SPON1: variants seen among roughly 807,000 people sequenced by gnomAD.
SPON1 encodes spondin 1.
A neutral mutation model predicts 111.7 loss-of-function variants in SPON1; 52 were observed. The observed-to-expected ratio is 0.47, with a 90% CI of 0.37 to 0.59. The LOEUF (loss-of-function observed/expected upper bound fraction) is 0.59. Ranked by LOEUF, SPON1 falls within the 20% of genes least tolerant of loss-of-function variation. SPON1 has a pLI of 0.00. For synonymous variants in SPON1, 410 were observed against 395.8 expected (o/e 1.04, Z -0.43); for missense variants, 957 against 1,068.5 (o/e 0.90, Z 1.46).
rs141669942 is a variant in SPON1 at position 14,059,749 on chromosome 11, G to A, written c.480-15596G>A. ...GAAGAGCAAGTTCCCCCCAGCAGCC[G>A]CTGCCACAGTCATTTCTAAAACAGG... On this transcript the variant is annotated intron_variant, in intron 3 of 15. Transcript: ENST00000576479. Among the ~76,000 whole-genome samples, 153 of 152,230 alleles carry A rather than the reference G, an allele frequency of 1.0e-3. 1 individual carries two copies. Among genetic ancestry groups the A allele is most frequent in the African/African-American group, 3.2e-3 (134 of 41,516 alleles).
chr11:14,009,603 A>C (rs1554913514), intron 2 of SPON1, among the ~76,000 whole-genome samples: 2 of 152,230 alleles, frequency 1.3e-5, no homozygotes, highest in African/African-American at 4.8e-5. Context: ...TTTGGTGACT[A>C]TTTGATTCAT....
intron 6 of SPON1, among the ~76,000 whole-genome samples, chr11:14,137,840 A>T (rs1220600912): frequency 1.3e-5 from 2 of 152,152 alleles, no homozygotes; most frequent in Non-Finnish European, 2.9e-5. Flanking sequence ...CAGCCTCTGA[A>T]TCTGGCCTCT....
chr11:13,982,097 T>C (rs1329550177), intron 1 of SPON1, among the ~76,000 whole-genome samples: 1 of 152,230 alleles, frequency 6.6e-6, no homozygotes, highest in African/African-American at 2.4e-5. Flanking sequence ...TTTTGAGTAT[T>C]GTTATGATTG....
chr11:14,071,004 T>C (rs1554920843), intron 3 of SPON1, among the ~76,000 whole-genome samples: 3 of 152,130 alleles, frequency 2.0e-5, no homozygotes, highest in African/African-American at 7.2e-5. Context: ...TGCTCTCTTA[T>C]GATAAGAGAG....
chr11:14,166,432 C>A (rs986038559), intron 6 of SPON1, among the ~76,000 whole-genome samples: 9 of 152,252 alleles, frequency 5.9e-5, no homozygotes, highest in African/African-American at 1.9e-4. Flanking sequence ...TCTCTGAAAA[C>A]AAAAGGTTTA....
intron 6 of SPON1, among the ~76,000 whole-genome samples, chr11:14,168,045 C>T (rs1000851473): frequency 3.9e-5 from 6 of 152,194 alleles, no homozygotes; most frequent in Admixed American, 2.0e-4. Context: ...CTTCCCTATA[C>T]ACCTTGTACG....
intron 6 of SPON1, among the ~76,000 whole-genome samples, chr11:14,165,003 T>C (rs1434024046): frequency 4.6e-5 from 7 of 152,182 alleles, no homozygotes; most frequent in Admixed American, 1.3e-4. Context: ...GGTCAGAAAC[T>C]TGTAGCCTCC....
At position 14,266,410 on chromosome 11, in the gene SPON1, T is replaced by C. The variant is rs977683054; in HGVS notation, c.*723T>C. On this transcript the variant is annotated 3_prime_UTR_variant, in exon 16 of 16. Coordinates refer to ENST00000576479, the MANE Select transcript of SPON1 (RefSeq NM_006108.4). Reference sequence around the variant, plus strand: ...AGATAAATAATAAGCTTAGAGTGTATTTTTCCCTTGCTTTTGGGGGTTCAG... The same window carrying C: ...AGATAAATAATAAGCTTAGAGTGTACTTTTCCCTTGCTTTTGGGGGTTCAG... 1.1e-4 allele frequency: 17 copies of C among 152,110 alleles called. No individual in the cohort carries two copies. The highest frequency in any genetic ancestry group is 3.9e-4 in the African/African-American group (16 of 41,398). The allele number at this position is 152,110 out of a possible 1,614,324, so 9.4% of individuals were successfully genotyped here.
Position 14,266,665 on chromosome 11 carries a change from T to A in SPON1, c.*978T>A, listed in dbSNP as rs1303647644. 1 of 152,212 alleles carries A rather than the reference T, an allele frequency of 6.6e-6. No individual in the cohort carries two copies. The highest frequency in any genetic ancestry group is 2.4e-5 in the African/African-American group (1 of 41,464). The allele number at this position is 152,212 out of a possible 1,614,324, so 9.4% of individuals were successfully genotyped here. ...CTAAGTCTGCCCAAAGCCCCCCCAA[T>A]GCATTCCTTCAACAAAATACAATCT... On this transcript the variant is annotated 3_prime_UTR_variant, in exon 16 of 16. Transcript: ENST00000576479.
intron 2 of SPON1, among the ~76,000 whole-genome samples, chr11:14,039,364 C>T (rs1193533966): frequency 6.6e-5 from 10 of 152,068 alleles, no homozygotes; most frequent in Admixed American, 6.6e-4. Context: ...AATATAGGCT[C>T]ATTGATTGTA....
intron 6 of SPON1, among the ~76,000 whole-genome samples, chr11:14,225,731 C>A (rs1554938074): frequency 6.6e-6 from 1 of 152,060 alleles, no homozygotes; most frequent in Non-Finnish European, 1.5e-5. Context: ...AATAAAATAT[C>A]TTATCAGAGA....
intron 6 of SPON1, among the ~76,000 whole-genome samples, chr11:14,165,328 A>G (rs1043000722): frequency 6.6e-6 from 1 of 152,136 alleles, no homozygotes; most frequent in African/African-American, 2.4e-5. Context: ...GGTGTAGGCT[A>G]TGAGGATGGG....
At chr11:14,119,700 A>G (rs1281816066) in intron 5 of SPON1, among the ~76,000 whole-genome samples, 1 of 152,188 alleles carries the variant, frequency 6.6e-6, no homozygotes, top group Admixed American at 6.5e-5. Context: ...TCCTCCTGCA[A>G]GCTGTCTACT....
At position 14,135,560 on chromosome 11, in the gene SPON1, C is replaced by A. The variant is rs782051365; in HGVS notation, c.817C>A (p.Arg273=). The change falls in exon 6 of 16, where the codon CGA becomes AGA. Residue 273 remains arginine, a synonymous_variant. Transcript: ENST00000576479. This position sits in a 1 kb window ranked among gnomAD's most constrained non-coding sequence, Gnocchi z 4.4. ...ACCCGTGAAAATGGAGGAAGAAATT[C>A]GACAACAGGTAAGACAAAAAAATCA... is the stretch of plus-strand genomic sequence containing the variant. ...GSPVKMEEEI[R]QQSDEVLTVI... 1 of 1,613,022 alleles carries A rather than the reference C, an allele frequency of 6.2e-7. No homozygotes were observed. The highest frequency in any genetic ancestry group is 8.5e-7 in the Non-Finnish European group (1 of 1,179,306).
At chr11:14,224,678 C>T in intron 6 of SPON1, 4 of 449,910 alleles carry the variant, frequency 8.9e-6, no homozygotes, top group South Asian at 5.4e-5. Flanking sequence ...CAGTACTTGA[C>T]AGCTTGGTGA....
At chr11:14,013,582 T>C (rs568314921) in intron 2 of SPON1, among the ~76,000 whole-genome samples, 1 of 152,290 alleles carries the variant, frequency 6.6e-6, no homozygotes, top group East Asian at 1.9e-4. Context: ...GCCTATTGAG[T>C]AGGATCTTCT....
At chr11:14,254,063 T>C (rs937721728) in intron 7 of SPON1, among the ~76,000 whole-genome samples, 1 of 152,252 alleles carries the variant, frequency 6.6e-6, no homozygotes, top group African/African-American at 2.4e-5. Flanking sequence ...AGCTGGTCCC[T>C]GCTTCCCAGC....
Position 14,260,608 on chromosome 11 carries a change from T to G in SPON1, c.1852T>G (p.Ser618Ala), listed in dbSNP as rs782768244. The change falls in exon 14 of 16, where the codon TCC (serine) becomes GCC (alanine). Residue 618 changes from serine (S) to alanine (A), a missense_variant. By Grantham distance (99) the Ser-to-Ala change is moderately conservative (BLOSUM62 1). Coordinates refer to ENST00000576479, the MANE Select transcript of SPON1 (RefSeq NM_006108.4). Reference protein sequence around the residue: ...PECHTIPCLLSPWSEWSDCSV... With the variant: ...PECHTIPCLLAPWSEWSDCSV... Reference sequence around the variant, plus strand: ...TCTAGACACCATCCCATGCTTGCTGTCCCCATGGTCCGAGTGGAGTGACTG... The same window carrying G: ...TCTAGACACCATCCCATGCTTGCTGGCCCCATGGTCCGAGTGGAGTGACTG... 1 of 1,613,610 alleles carries G rather than the reference T, an allele frequency of 6.2e-7. No homozygotes were observed. The highest frequency in any genetic ancestry group is 8.5e-7 in the Non-Finnish European group (1 of 1,179,774).
chr11:13,970,149 T>C (rs1554908439), intron 1 of SPON1, among the ~76,000 whole-genome samples: 1 of 152,244 alleles, frequency 6.6e-6, no homozygotes, highest in Non-Finnish European at 1.5e-5. Flanking sequence ...AAAAAGCTTT[T>C]TGTGATGCTT....
Sources: allele counts gnomAD v4.1 joint callset (sites outside exome capture counted in the v4.1 genomes callset), GRCh38; gene constraint gnomAD v4.1.1; non-coding constraint Gnocchi (gnomAD v3.1); transcripts MANE v1.5; gene names NCBI Gene and HGNC (gene_info 2026-07-23, HGNC 2026-07-21).